Variants in CRLF2 observed in about 807,000 individuals in gnomAD.
CRLF2 encodes the protein cytokine receptor-like factor 2.
CRLF2 carries 41 observed loss-of-function variants against 38.7 expected under a neutral mutation model. The observed-to-expected ratio is 1.06, with a 90% confidence interval of 0.83 to 1.37. The LOEUF is 1.37. Ranked by LOEUF, CRLF2 falls within the 40% of genes most tolerant of loss-of-function variation. CRLF2 has a pLI of 0.00. For synonymous variants in CRLF2, 140 were observed against 128.8 expected (o/e 1.09, Z -0.59); for missense variants, 377 against 322.2 (o/e 1.17, Z -1.30).
At chrX:1,192,733 TTTCTTTCTTTCTTTCTTTC>T (rs2086412436) in intron 7 of CRLF2, among the ~76,000 whole-genome samples, 2 of 121,878 alleles carry the variant, frequency 1.6e-5, no homozygotes, top group Non-Finnish European at 3.7e-5. Flanking sequence ...TCTTTCTTTC[TTTCTTTCTTTCTTTCTTTC>T]TTTCTTTCTT....
chrX:1,207,317 G>A (rs2086708654), intron 2 of CRLF2, among the ~76,000 whole-genome samples: 1 of 146,806 alleles, frequency 6.8e-6, no homozygotes, highest in Non-Finnish European at 1.5e-5. Flanking sequence ...GTGCAATGGC[G>A]TGATCTCGGC....
intron 7 of CRLF2, among the ~76,000 whole-genome samples, chrX:1,192,564 C>A (rs1297003212): frequency 0.48 from 73,026 of 151,606 alleles, 17,793 homozygotes; most frequent in South Asian, 0.56. Flanking sequence ...TGCAGTGAGC[C>A]GAGATCAAAC....
At chrX:1,199,842 G>A (rs1429584096) in intron 4 of CRLF2, among the ~76,000 whole-genome samples, 2 of 151,402 alleles carry the variant, frequency 1.3e-5, no homozygotes, top group Non-Finnish European at 2.9e-5. Context: ...GTGTATAGAA[G>A]CTATGTATAT....
intron 7 of CRLF2, 112 bp from the exon 8 acceptor site, chrX:1,191,272 T>A (rs2086367842): frequency 2.5e-6 from 1 of 398,758 alleles, no homozygotes; most frequent in East Asian, 3.6e-5. Flanking sequence ...TTTCTCTTTC[T>A]TTCTCTCTCT....
intron 6 of CRLF2, among the ~76,000 whole-genome samples, chrX:1,195,681 G>A (rs1294842709): frequency 1.4e-5 from 2 of 145,992 alleles, no homozygotes; most frequent in African/African-American, 2.5e-5. Context: ...GGGTTCAAGC[G>A]GTTCTCCTGC....
At chrX:1,207,793 G>T (rs1328044569) in intron 2 of CRLF2, among the ~76,000 whole-genome samples, 3 of 150,550 alleles carry the variant, frequency 2.0e-5, no homozygotes, top group Non-Finnish European at 3.0e-5. Flanking sequence ...GGGATTACAG[G>T]CACCTGCCGC....
At chrX:1,192,756 CT>C (rs1163911512) in intron 7 of CRLF2, among the ~76,000 whole-genome samples, 6 of 113,936 alleles carry the variant, frequency 5.3e-5, no homozygotes, top group Non-Finnish European at 1.1e-4. Context: ...TTCTTTCTTT[CT>C]TTCTTTCTTT....
At chrX:1,211,233 ATGGG>A (rs1248139717) in intron 1 of CRLF2, among the ~76,000 whole-genome samples, 41 of 145,126 alleles carry the variant, frequency 2.8e-4, no homozygotes, top group East Asian at 1.8e-3. Flanking sequence ...GTGTACATGG[ATGGG>A]TGGGTGGGTG....
chrX:1,209,917 C>T (rs1380336252), intron 1 of CRLF2, among the ~76,000 whole-genome samples: 1 of 151,704 alleles, frequency 6.6e-6, no homozygotes, highest in African/African-American at 2.4e-5. Context: ...GCCTGGCCAA[C>T]ATGGTGAAAC....
intron 5 of CRLF2, among the ~76,000 whole-genome samples, chrX:1,198,046 A>T (rs2086522691): frequency 6.6e-6 from 1 of 152,106 alleles, no homozygotes; most frequent in Non-Finnish European, 1.5e-5. Flanking sequence ...CAGCCCGAGA[A>T]TGAAACAAGG....
chrX:1,200,384 T>A (rs1200541725), intron 4 of CRLF2, among the ~76,000 whole-genome samples: 1 of 131,576 alleles, frequency 7.6e-6, no homozygotes, highest in Admixed American at 8.3e-5. Flanking sequence ...ATATAAGGTA[T>A]GTATATATGT....
At chrX:1,191,448 C>G (rs1396382202) in intron 7 of CRLF2, among the ~76,000 whole-genome samples, 13 of 151,264 alleles carry the variant, frequency 8.6e-5, no homozygotes, top group Non-Finnish European at 7.4e-5. Context: ...GGAAAGCCCT[C>G]TCATCTGGGA....
At position 1,204,150 on chromosome X, in the gene CRLF2, CTGTG is replaced by C. The variant is rs782552615; in HGVS notation, c.350-1619_350-1616del. ...GATGAGAGAGTATTTCCAGCTCACT[CTGTG>C]TGTGTGTGTGTGTGTGTGTGTGTGT... On this transcript the variant is annotated intron_variant, in intron 3 of 7. Transcript: ENST00000400841. 1.6e-4 allele frequency among the ~76,000 whole-genome samples: 20 copies of C among 124,760 alleles called. 1 individual carries two copies. Among genetic ancestry groups the C allele is most frequent in the South Asian group, 2.9e-4 (1 of 3,416 alleles). The allele number at this position is 124,760 out of a possible 152,430, so 81.8% of individuals were successfully genotyped here. A position where few individuals can be genotyped will look rare whatever the true frequency, so the allele number is the denominator to read the frequency against.
At chrX:1,197,959 G>A (rs1166126222) in intron 5 of CRLF2, among the ~76,000 whole-genome samples, 18 of 152,076 alleles carry the variant, frequency 1.2e-4, no homozygotes, top group South Asian at 4.1e-4. Flanking sequence ...CCGAGATCGC[G>A]CCACTGCACT....
chrX:1,195,490 C>T (rs1236117339), intron 6 of CRLF2, among the ~76,000 whole-genome samples: 1 of 151,938 alleles, frequency 6.6e-6, no homozygotes, highest in Non-Finnish European at 1.5e-5. Context: ...TCACTGCAGC[C>T]TTAAACTCCC....
rs1447237153 is a variant in CRLF2, at chrX:1,190,738, C to T, written c.*159G>A. ...GGGGGAAAGTTAGCAGGGCAGTGGCCGCATTAGGCGGTGAGGCTGGGTCTT... is the reference window on the plus strand; with the variant it reads ...GGGGGAAAGTTAGCAGGGCAGTGGCTGCATTAGGCGGTGAGGCTGGGTCTT... On this transcript the variant is annotated 3_prime_UTR_variant, in exon 8 of 8. Coordinates refer to ENST00000400841, the MANE Select transcript of CRLF2 (RefSeq NM_022148.4). 0.11 allele frequency: 43,770 copies of T among 397,722 alleles called. 2,739 individuals carry two copies. The highest frequency in any genetic ancestry group is 0.14 in the African/African-American group (6,630 of 48,712). The allele number at this position is 397,722 out of a possible 1,614,324, so 24.6% of individuals were successfully genotyped here.
At chrX:1,194,783 G>A (rs1173939109) in intron 6 of CRLF2, among the ~76,000 whole-genome samples, 4 of 152,150 alleles carry the variant, frequency 2.6e-5, no homozygotes, top group Non-Finnish European at 4.4e-5. Context: ...TGTCATCCCA[G>A]CACTTTGGGA....
At position 1,198,545 on chromosome X, in the gene CRLF2, C is replaced by G; in HGVS notation, c.646+17G>C. The G allele has an allele frequency of 6.2e-7, 1 of 1,613,230 alleles. No homozygotes were observed. Among genetic ancestry groups the G allele is most frequent in the Non-Finnish European group, 8.5e-7 (1 of 1,179,350 alleles). On this transcript the variant is annotated intron_variant, in intron 5 of 7. Transcript: ENST00000400841. ...TGGTGACAAGGCTATGGGACACTGC[C>G]GCGTAACAAGCATTACCCCGAATCT... is the stretch of plus-strand genomic sequence containing the variant.
rs371174830 is a variant in CRLF2, at chrX:1,198,736, TACACACAC to T, written c.484-20_484-13del. The T allele has an allele frequency of 1.8e-3, 1,491 of 827,546 alleles. 15 individuals are homozygous for T. Among genetic ancestry groups the T allele is most frequent in the South Asian group, 3.3e-3 (197 of 60,066 alleles). 51.3% of individuals were successfully genotyped at this position (827,546 alleles called of 1,614,324 possible). ...TTTTCCTGTTTGGACTGGAGAAACA[TACACACAC>T]ACACACACACACACACACACACACA... On this transcript the variant is annotated splice_polypyrimidine_tract_variant and intron_variant, in intron 4 of 7. Coordinates refer to ENST00000400841, the MANE Select transcript of CRLF2 (RefSeq NM_022148.4).
Sources: gnomAD v4.1 joint callset for allele counts (sites outside exome capture counted in the v4.1 genomes callset) on GRCh38, gnomAD v4.1.1 for gene constraint, MANE v1.5 for transcripts, NCBI Gene and HGNC (gene_info 2026-07-23, HGNC 2026-07-21) for gene names.